The following CLIC5 variants were observed in gnomAD, a reference collection of about 807,000 sequenced individuals.
The protein encoded by CLIC5 is chloride intracellular channel protein 5.
CLIC5 carries 20 observed loss-of-function variants against 24.7 expected under a neutral mutation model. The ratio of observed to expected loss-of-function variants is 0.81; its 90% CI spans 0.57 to 1.18. The LOEUF (loss-of-function observed/expected upper bound fraction) is 1.18, where lower values mean the gene tolerates loss of function less well. CLIC5 is among the 50% of genes most tolerant of loss of function. The pLI, the probability that CLIC5 is intolerant of heterozygous loss-of-function variation, is 0.00. For missense variants in CLIC5, 341 were observed against 326.1 expected, an observed-to-expected ratio of 1.05 and a Z score of -0.35; for synonymous variants, 159 against 135.6, an observed-to-expected ratio of 1.17 and a Z score of -1.20.
the CLIC5 span, among the ~76,000 whole-genome samples, chr6:46,109,315 T>C: frequency 1.3e-3 from 197 of 152,196 alleles, 1 homozygote; most frequent in African/African-American, 4.7e-3. Flanking sequence ...TCTGGTAACT[T>C]TGGAGATAAC....
chr6:45,971,772 A>G (rs745938577), intron 1 of CLIC5, among the ~76,000 whole-genome samples: 4 of 152,218 alleles, frequency 2.6e-5, no homozygotes, highest in Admixed American at 1.3e-4. Flanking sequence ...TGGTGATGAC[A>G]TGTTTTATTT....
intron 4 of CLIC5, among the ~76,000 whole-genome samples, chr6:45,917,103 G>T (rs1238461462): frequency 6.6e-6 from 1 of 152,156 alleles, no homozygotes; most frequent in Non-Finnish European, 1.5e-5. Flanking sequence ...CAAGAATTCT[G>T]TATTGGTACT....
At chr6:45,930,456 G>A (rs946226) in intron 4 of CLIC5, among the ~76,000 whole-genome samples, 9,073 of 152,234 alleles carry the variant, frequency 0.06, 482 homozygotes, top group East Asian at 0.21. Flanking sequence ...ACAGATAATG[G>A]AAGGTGGCTT....
rs373238468 is a variant in CLIC5, at chr6:46,015,564, C to T, written c.-22G>A. 2 of 1,553,168 alleles carry T rather than the reference C, an allele frequency of 1.3e-6. No individual in the cohort carries two copies. The highest frequency in any genetic ancestry group is 2.5e-5 in the East Asian group (1 of 39,924). Reference sequence around the variant, plus strand: ...TCATGCCGTTGGCGCCCGGGGCTACCGTCCCGGGCCGGGGAGGCGCCACCT... The same window carrying T: ...TCATGCCGTTGGCGCCCGGGGCTACTGTCCCGGGCCGGGGAGGCGCCACCT... On this transcript the variant is annotated 5_prime_UTR_variant, in exon 1 of 6. Transcript: ENST00000339561.
At chr6:46,106,116 G>C in the CLIC5 span, among the ~76,000 whole-genome samples, 1 of 152,140 alleles carries the variant, frequency 6.6e-6, no homozygotes, top group African/African-American at 2.4e-5. Context: ...GAATTCAATG[G>C]AAAAGTGGAA....
chr6:46,042,614 T>G (rs1767839048), intron 1 of CLIC5, among the ~76,000 whole-genome samples: 1 of 152,184 alleles, frequency 6.6e-6, no homozygotes, highest in Admixed American at 6.5e-5. Context: ...GTTTTCATCC[T>G]TGCCTTGCCC....
chr6:45,919,189 G>T, intron 4 of CLIC5: 1 of 821,890 alleles, frequency 1.2e-6, no homozygotes, highest in Non-Finnish European at 1.5e-6. Context: ...GATATGCTCA[G>T]TTTCCCAGAG....
intron 1 of CLIC5, among the ~76,000 whole-genome samples, chr6:45,968,703 T>C (rs773405095): frequency 6.6e-6 from 1 of 152,218 alleles, no homozygotes; most frequent in Non-Finnish European, 1.5e-5. Flanking sequence ...GGCGGGTGAC[T>C]ATAGGAATGT....
At chr6:45,983,004 T>C (rs1331391401) in intron 1 of CLIC5, among the ~76,000 whole-genome samples, 1 of 152,236 alleles carries the variant, frequency 6.6e-6, no homozygotes, top group Non-Finnish European at 1.5e-5. Context: ...TTACTAAGGC[T>C]GGTTGCCTAC....
intron 1 of CLIC5, 135 bp downstream of exon 1, chr6:46,015,345 G>A: frequency 1.1e-6 from 1 of 873,548 alleles, no homozygotes. Flanking sequence ...GCTGGCCTGC[G>A]GAAAGGCCAC....
At position 45,903,209 on chromosome 6, in the gene CLIC5, G is replaced by A; in HGVS notation, c.635C>T (p.Thr212Ile). Residue 212 changes from threonine (T) to isoleucine (I), a missense_variant, in exon 6 of 6, where the codon ACA becomes ATA. Thr to Ile is a moderately conservative substitution (Grantham distance 89). Transcript: ENST00000339561. Reference protein sequence around the residue: ...YRNYDIPAEMTGLWRYLKNAY... With the variant: ...YRNYDIPAEMIGLWRYLKNAY... ...GTTCTTGAGGTACCGCCACAGGCCTGTCATCTCAGCCGGGATATCATAGTT... is the reference window on the plus strand; with the variant it reads ...GTTCTTGAGGTACCGCCACAGGCCTATCATCTCAGCCGGGATATCATAGTT... The A allele has an allele frequency of 1.2e-6, 2 of 1,611,804 alleles. No individual in the cohort carries two copies. Among genetic ancestry groups the A allele is most frequent in the East Asian group, 2.2e-5 (1 of 44,846 alleles).
intron 1 of CLIC5, among the ~76,000 whole-genome samples, chr6:46,057,780 A>G (rs1768301094): frequency 6.6e-6 from 1 of 152,154 alleles, no homozygotes; most frequent in African/African-American, 2.4e-5. Flanking sequence ...CAACCTACAC[A>G]ATTAGTGGTG....
At chr6:45,894,009 T>C (rs1387511991), downstream of CLIC5, among the ~76,000 whole-genome samples, 9 of 152,324 alleles carry the variant, frequency 5.9e-5, no homozygotes, top group Non-Finnish European at 1.5e-5. Context: ...GGCAGTCTCG[T>C]GGACACGTAG....
chr6:46,003,301 G>T (rs1766426037), intron 1 of CLIC5, among the ~76,000 whole-genome samples: 1 of 152,244 alleles, frequency 6.6e-6, no homozygotes, highest in African/African-American at 2.4e-5. Context: ...TGTATCATAA[G>T]CCACTTCAGT....
chr6:46,024,130 G>A (rs1767262186), intron 1 of CLIC5, among the ~76,000 whole-genome samples: 1 of 151,956 alleles, frequency 6.6e-6, no homozygotes, highest in African/African-American at 2.4e-5. Flanking sequence ...TGAGGGAATT[G>A]GGCAAACACC....
chr6:45,942,527 T>C (rs148749588), intron 3 of CLIC5, among the ~76,000 whole-genome samples: 1 of 152,286 alleles, frequency 6.6e-6, no homozygotes, highest in Admixed American at 6.5e-5. Context: ...TGGGAAGAGA[T>C]GGGAGACAGT....
At chr6:46,092,054 C>G in the CLIC5 span, among the ~76,000 whole-genome samples, 1 of 152,164 alleles carries the variant, frequency 6.6e-6, no homozygotes. Context: ...GCCATTCTAG[C>G]CGGTGTGAGG....
intron 6 of CLIC5, among the ~76,000 whole-genome samples, chr6:45,884,695 A>G (rs1004525291): frequency 2.6e-5 from 4 of 152,130 alleles, no homozygotes; most frequent in Non-Finnish European, 4.4e-5. Flanking sequence ...AAGCACTGAG[A>G]TTGGGCAGTT....
At chr6:45,939,084 G>A (rs1764037936) in intron 4 of CLIC5, among the ~76,000 whole-genome samples, 1 of 152,144 alleles carries the variant, frequency 6.6e-6, no homozygotes. Flanking sequence ...CAAGGTATTA[G>A]TAGGTGTCCT....
Sources: allele counts gnomAD v4.1 joint callset (sites outside exome capture counted in the v4.1 genomes callset), GRCh38; gene constraint gnomAD v4.1.1; transcripts MANE v1.5; gene names NCBI Gene and HGNC (gene_info 2026-07-23, HGNC 2026-07-21).